Variants in KHDRBS2 observed in about 807,000 individuals in gnomAD.
KHDRBS2 encodes KH RNA binding domain containing, signal transduction associated 2.
A neutral mutation model predicts 44.3 loss-of-function variants in KHDRBS2; 26 were observed. The observed-to-expected ratio is 0.59, with a 90% CI of 0.43 to 0.81. The LOEUF is 0.81. Ranked by LOEUF, KHDRBS2 falls within the 40% of genes least tolerant of loss-of-function variation. KHDRBS2 has a pLI of 0.00. For missense variants in KHDRBS2, 476 were observed against 433.1 expected, an observed-to-expected ratio of 1.10 and a Z score of -0.88; for synonymous variants, 194 against 151.1, an observed-to-expected ratio of 1.28 and a Z score of -2.08.
the KHDRBS2 span, among the ~76,000 whole-genome samples, chr6:61,585,684 T>C: frequency 6.6e-6 from 1 of 152,068 alleles, no homozygotes; most frequent in Non-Finnish European, 1.5e-5. Flanking sequence ...ATTTTGAACG[T>C]TTACTGTTTT....
the KHDRBS2 span, among the ~76,000 whole-genome samples, chr6:61,591,298 T>C: frequency 1.3e-5 from 2 of 152,194 alleles, no homozygotes; most frequent in Admixed American, 6.5e-5. Context: ...AATGAAAATA[T>C]ATAACAATTA....
chr6:62,027,995 T>C (rs2127288835), intron 3 of KHDRBS2, among the ~76,000 whole-genome samples: 1 of 152,186 alleles, frequency 6.6e-6, no homozygotes, highest in South Asian at 2.1e-4. Context: ...CAGTCACAAA[T>C]TGTAGGTAAC....
At chr6:61,790,590 A>AT (rs1245035724) in intron 6 of KHDRBS2, among the ~76,000 whole-genome samples, 1 of 151,506 alleles carries the variant, frequency 6.6e-6, no homozygotes, top group Non-Finnish European at 1.5e-5. Context: ...TTATTTATGG[A>AT]TTTTAAAACT....
At chr6:61,845,700 G>T (rs1221497235) in intron 6 of KHDRBS2, among the ~76,000 whole-genome samples, 1 of 152,186 alleles carries the variant, frequency 6.6e-6, no homozygotes, top group Non-Finnish European at 1.5e-5. Context: ...CTACTGGTTG[G>T]TTAGGTCGTT....
At chr6:62,106,742 C>A (rs145604225) in intron 2 of KHDRBS2, among the ~76,000 whole-genome samples, 4 of 152,102 alleles carry the variant, frequency 2.6e-5, no homozygotes, top group Non-Finnish European at 5.9e-5. Flanking sequence ...AGCTTATCCA[C>A]CATGGTCAAG....
At chr6:62,084,761 C>A (rs1003542122) in intron 2 of KHDRBS2, among the ~76,000 whole-genome samples, 1 of 152,090 alleles carries the variant, frequency 6.6e-6, no homozygotes, top group Non-Finnish European at 1.5e-5. Context: ...ATCATGGCTT[C>A]TCACATTTCT....
chr6:62,059,520 A>G (rs571995036), intron 2 of KHDRBS2, among the ~76,000 whole-genome samples: 1 of 151,828 alleles, frequency 6.6e-6, no homozygotes, highest in East Asian at 2.0e-4. Flanking sequence ...GGGAATATGA[A>G]GAGAGTAGTG....
chr6:61,983,587 T>C (rs1437424063), intron 3 of KHDRBS2, among the ~76,000 whole-genome samples: 1 of 152,054 alleles, frequency 6.6e-6, no homozygotes, highest in Non-Finnish European at 1.5e-5. Flanking sequence ...GGTGGTTGGT[T>C]CTTGGCTTGG....
intron 1 of KHDRBS2, among the ~76,000 whole-genome samples, chr6:62,229,416 C>T (rs1315181652): frequency 1.3e-5 from 2 of 152,156 alleles, no homozygotes; most frequent in African/African-American, 4.8e-5. Context: ...TGCCCTTCCC[C>T]CGCTCTGGGA....
the KHDRBS2 span, among the ~76,000 whole-genome samples, chr6:61,565,089 T>C: frequency 6.6e-6 from 1 of 152,040 alleles, no homozygotes; most frequent in Non-Finnish European, 1.5e-5. Context: ...TTTCAACAAA[T>C]GGTGCTAGGA....
intron 2 of KHDRBS2, among the ~76,000 whole-genome samples, chr6:62,121,829 G>A (rs572378667): frequency 1.3e-5 from 2 of 152,238 alleles, no homozygotes; most frequent in African/African-American, 4.8e-5. Flanking sequence ...GCCAAGGGAT[G>A]GGAAATAAAT....
At chr6:62,257,964 A>T (rs896067755) in intron 1 of KHDRBS2, among the ~76,000 whole-genome samples, 2 of 152,012 alleles carry the variant, frequency 1.3e-5, no homozygotes, top group Non-Finnish European at 2.9e-5. Context: ...ATAGAAATTG[A>T]GTATCCCTAA....
chr6:62,121,465 A>T (rs996026293), intron 2 of KHDRBS2, among the ~76,000 whole-genome samples: 6 of 152,218 alleles, frequency 3.9e-5, no homozygotes, highest in Non-Finnish European at 7.4e-5. Context: ...GGTGACTCCA[A>T]GTGAAGCTAC....
At chr6:61,893,298 G>T (rs1583370935) in intron 6 of KHDRBS2, among the ~76,000 whole-genome samples, 1 of 152,168 alleles carries the variant, frequency 6.6e-6, no homozygotes, top group Non-Finnish European at 1.5e-5. Context: ...TACACTGTTG[G>T]TGCGACTGTA....
At chr6:62,224,584 G>A (rs188391125) in intron 1 of KHDRBS2, among the ~76,000 whole-genome samples, 4 of 152,186 alleles carry the variant, frequency 2.6e-5, no homozygotes, top group East Asian at 1.9e-4. Context: ...ACCATCCTAC[G>A]GATTTCAAGA....
chr6:61,710,295 A>G (rs1770288060), intron 7 of KHDRBS2, among the ~76,000 whole-genome samples: 1 of 151,788 alleles, frequency 6.6e-6, no homozygotes, highest in Non-Finnish European at 1.5e-5. Flanking sequence ...CCTGCTTACT[A>G]CAAAACATTA....
chr6:62,099,723 G>C (rs1584692501), intron 2 of KHDRBS2, among the ~76,000 whole-genome samples: 3 of 152,212 alleles, frequency 2.0e-5, no homozygotes, highest in African/African-American at 7.2e-5. Context: ...ACAGAGACCA[G>C]CCCAGCAGTG....
intron 7 of KHDRBS2, among the ~76,000 whole-genome samples, chr6:61,714,556 A>T (rs1406090852): frequency 1.3e-5 from 2 of 151,844 alleles, no homozygotes; most frequent in African/African-American, 2.4e-5. Flanking sequence ...CCCAAAGGAA[A>T]ATAAATCATT....
chr6:61,862,744 G>A (rs1316875242), intron 6 of KHDRBS2, among the ~76,000 whole-genome samples: 1 of 151,988 alleles, frequency 6.6e-6, no homozygotes, highest in African/African-American at 2.4e-5. Context: ...GAGCATTTTG[G>A]CATTGATGTT....
Sources: gnomAD v4.1 joint callset for allele counts (sites outside exome capture counted in the v4.1 genomes callset) on GRCh38, gnomAD v4.1.1 for gene constraint, MANE v1.5 for transcripts, NCBI Gene and HGNC (gene_info 2026-07-23, HGNC 2026-07-21) for gene names.